The following PDCD11 variants were observed in gnomAD, a reference collection of about 807,000 sequenced individuals.
PDCD11 encodes protein RRP5 homolog.
Under a neutral mutation model 198.9 loss-of-function variants are expected in PDCD11, and 97 were observed. The ratio of observed to expected loss-of-function variants is 0.49; its 90% CI spans 0.41 to 0.58. PDCD11 has a LOEUF of 0.58. Ranked by LOEUF, PDCD11 falls within the 20% of genes least tolerant of loss-of-function variation. PDCD11 has a pLI of 0.00. For missense variants in PDCD11, 2,102 were observed against 2,312.7 expected (o/e 0.91, Z 1.87); for synonymous variants, 893 against 918.0 (o/e 0.97, Z 0.49).
At position 103,396,721 on chromosome 10, in the gene PDCD11, C is replaced by T. The variant is rs1001297268; in HGVS notation, c.-21C>T. On this transcript the variant is annotated 5_prime_UTR_variant, in exon 1 of 36. Coordinates refer to ENST00000369797, the MANE Select transcript of PDCD11 (RefSeq NM_014976.2). The stretch of plus-strand genomic sequence containing the variant: ...GTTAGTGGTAGCTGGGTGCAGACGC[C>T]GTGGCGCTGGTGAGTAAAGGCAGAG... 1.3e-5 allele frequency: 2 copies of T among 152,524 alleles called. No individual in the cohort carries two copies. The highest frequency in any genetic ancestry group is 3.8e-4 in the East Asian group (2 of 5,200). 9.4% of individuals were successfully genotyped at this position (152,524 alleles called of 1,614,324 possible). A position where few individuals can be genotyped will look rare whatever the true frequency, so the allele number is the denominator to read the frequency against.
chr10:103,418,063 G>T, intron 14 of PDCD11, 131 bp downstream of exon 14: 1 of 935,662 alleles, frequency 1.1e-6, no homozygotes, highest in East Asian at 2.4e-5. Flanking sequence ...GGGGCTAGAG[G>T]GGTTCATACG....
At position 103,440,365 on chromosome 10, in the gene PDCD11, T is replaced by G; in HGVS notation, c.4224T>G (p.Ala1408=). The G allele has an allele frequency of 1.2e-6, 2 of 1,614,178 alleles. 1 individual carries two copies. The highest frequency in any genetic ancestry group is 4.5e-5 in the East Asian group (2 of 44,878). ...CTGGGAAGCCAGACGTGCTTTCTGC[T>G]TCCTTGGAAGGGCAACTTACAAAGC... ...GDTGKPDVLS[A]SLEGQLTKQE... Residue 1408 remains alanine, a synonymous_variant, in exon 29 of 36, where the codon GCT becomes GCG. Transcript: ENST00000369797.
chr10:103,434,172 G>A, intron 23 of PDCD11, 76 bp from the exon 24 acceptor site: 1 of 1,222,904 alleles, frequency 8.2e-7, no homozygotes, highest in South Asian at 1.2e-5. Context: ...TACTTGCTTT[G>A]GAGACTTAAA....
intron 31 of PDCD11, 81 bp downstream of exon 31, chr10:103,442,056 T>C: frequency 6.3e-7 from 1 of 1,575,540 alleles, no homozygotes; most frequent in Non-Finnish European, 8.7e-7. Flanking sequence ...AGACTGGGTG[T>C]CTTCCTGGGT....
At chr10:103,441,714 G>C in intron 30 of PDCD11, 112 bp from the exon 31 acceptor site, 1 of 941,232 alleles carries the variant, frequency 1.1e-6, no homozygotes, top group Non-Finnish European at 1.7e-6. Flanking sequence ...GGAGAGGAGA[G>C]GAGGGGTCTC....
intron 25 of PDCD11, among the ~76,000 whole-genome samples, chr10:103,437,056 C>T (rs758846959): frequency 1.1e-4 from 17 of 152,208 alleles, no homozygotes; most frequent in Non-Finnish European, 2.4e-4. Context: ...TGAGATCAAA[C>T]GTTCTCAGGA....
At position 103,414,961 on chromosome 10, in the gene PDCD11, G is replaced by A. The variant is rs1318792739; in HGVS notation, c.1372-44G>A. 4.4e-6 allele frequency: 7 copies of A among 1,608,030 alleles called. No individual in the cohort carries two copies. In the East Asian group the frequency reaches 8.9e-5, roughly 21 times the overall value. ...CCTTGTTGTAAGAGGTGGGGGAAAGGCCATTCTTGAGACATTGTGGCAGCT... is the reference window on the plus strand; with the variant it reads ...CCTTGTTGTAAGAGGTGGGGGAAAGACCATTCTTGAGACATTGTGGCAGCT... On this transcript the variant is annotated intron_variant, in intron 11 of 35. Coordinates refer to ENST00000369797, the MANE Select transcript of PDCD11 (RefSeq NM_014976.2).
At chr10:103,433,340 C>T (rs2032013437) in intron 22 of PDCD11, among the ~76,000 whole-genome samples, 1 of 151,994 alleles carries the variant, frequency 6.6e-6, no homozygotes, top group African/African-American at 2.4e-5. Flanking sequence ...ACTAAAAATA[C>T]AAAAATTTAG....
intron 8 of PDCD11, among the ~76,000 whole-genome samples, chr10:103,411,929 C>T (rs1295891384): frequency 2.0e-5 from 3 of 152,150 alleles, no homozygotes; most frequent in Non-Finnish European, 4.4e-5. Context: ...ACATCAGCTC[C>T]TTGGTGTTGA....
Position 103,442,852 on chromosome 10 carries a change from C to T in PDCD11, c.4956-313C>T, listed in dbSNP as rs188025922. Among the ~76,000 whole-genome samples the T allele has an allele frequency of 7.3e-3, 1,119 of 152,306 alleles. 16 individuals carry two copies. Among genetic ancestry groups the T allele is most frequent in the South Asian group, 0.065 (313 of 4,824 alleles). On this transcript the variant is annotated intron_variant, in intron 32 of 35. Transcript: ENST00000369797. The stretch of plus-strand genomic sequence containing the variant: ...GCAGTCCTTTGCTTCATCCTCTTAG[C>T]TTGAAGAGAGAATCAGACCCAGGAC...
chr10:103,411,055 A>G (rs2030773081), intron 8 of PDCD11, among the ~76,000 whole-genome samples: 1 of 151,282 alleles, frequency 6.6e-6, no homozygotes, highest in Non-Finnish European at 1.5e-5. Flanking sequence ...AGCCTGAGCG[A>G]CAGAGTGAGA....
rs2032257427 is a variant in PDCD11, at chr10:103,438,782, C to T, written c.3999C>T (p.Ser1333=). ...EGQLLRGYVG[S]IQPHGVFFRL... is the part of the protein sequence containing the mutation. ...AGCTTCTGAGGGGCTATGTAGGGTC[C>T]ATCCAGCCACACGGTGTGTTCTTTC... The change falls in exon 27 of 36, where the codon TCC becomes TCT. Residue 1333 remains serine (S), a synonymous_variant. Transcript: ENST00000369797. The T allele has an allele frequency of 6.2e-7, 1 of 1,613,976 alleles. No homozygotes were observed. Among genetic ancestry groups the T allele is most frequent in the African/African-American group, 1.3e-5 (1 of 74,898 alleles).
Position 103,406,038 on chromosome 10 carries a change from T to A in PDCD11, c.618T>A (p.Ile206=), listed in dbSNP as rs542076880. 22 of 1,614,120 alleles carry A rather than the reference T, an allele frequency of 1.4e-5. No homozygotes were observed. The highest frequency in any genetic ancestry group is 1.8e-5 in the Non-Finnish European group (21 of 1,179,994). ...AAGACCATGGCTACCTAGTGGACAT[T>A]GGTGTTGATGGGACCAGAGCTTTTC... ...SLEDHGYLVD[I]GVDGTRAFLP... is the part of the protein sequence containing the mutation. Residue 206 remains isoleucine, a synonymous_variant, in exon 6 of 36, where the codon ATT becomes ATA. Coordinates refer to ENST00000369797, the MANE Select transcript of PDCD11 (RefSeq NM_014976.2).
In PDCD11 at chr10:103,432,212, C is replaced by A; in HGVS notation, c.3452C>A (p.Thr1151Asn). Residue 1151 changes from threonine (T) to asparagine (N), a missense_variant, in exon 22 of 36, where the codon ACT becomes AAT. Thr to Asn is a moderately conservative substitution (Grantham distance 65, BLOSUM62 0). Transcript: ENST00000369797. ...ATTAAACAGTACCAGGCCGGCCAGA[C>A]TGTTACTTGCTTCTTAAAGAAAGTA... ...EKIKQYQAGQ[T>N]VTCFLKKYNV... The A allele has an allele frequency of 6.2e-7, 1 of 1,612,588 alleles. No homozygotes were observed. Among genetic ancestry groups the A allele is most frequent in the South Asian group, 1.1e-5 (1 of 91,042 alleles).
Position 103,445,644 on chromosome 10 carries a change from T to A in PDCD11, c.*95T>A. ...TCGGAAAACTGTTACCTCAGGACTC[T>A]ATTTAAATGCTGCTTTTTCTGCAGC... On this transcript the variant is annotated 3_prime_UTR_variant, in exon 36 of 36. Coordinates refer to ENST00000369797, the MANE Select transcript of PDCD11 (RefSeq NM_014976.2). The A allele has an allele frequency of 1.0e-6, 1 of 987,390 alleles. No homozygotes were observed. The highest frequency in any genetic ancestry group is 1.5e-6 in the Non-Finnish European group (1 of 667,016). 61.2% of individuals were successfully genotyped at this position (987,390 alleles called of 1,614,324 possible). A position where few individuals can be genotyped will look rare whatever the true frequency, so the allele number is the denominator to read the frequency against.
chr10:103,413,087 C>G, intron 8 of PDCD11, 29 bp from the exon 9 acceptor site: 1 of 1,596,250 alleles, frequency 6.3e-7, no homozygotes, highest in Non-Finnish European at 8.6e-7. Flanking sequence ...GTGCCTCCTC[C>G]TGCTCACCCT....
chr10:103,438,674 T>G lies in PDCD11; in HGVS notation c.3903-12T>G, dbSNP rs762735125. 16 of 1,614,038 alleles carry G rather than the reference T, an allele frequency of 9.9e-6. No homozygotes were observed. The Admixed American group carries it at 1.7e-4, about 17-fold the overall frequency. ...GGTTAAAGGTGTGCATGTAAGCCTT[T>G]TATTCCTTTAGAACAAACCCGGAGA... On this transcript the variant is annotated splice_polypyrimidine_tract_variant and intron_variant, in intron 26 of 35. Transcript: ENST00000369797.
intron 21 of PDCD11, among the ~76,000 whole-genome samples, chr10:103,430,131 C>G (rs1329324064): frequency 1.3e-5 from 2 of 152,144 alleles, no homozygotes; most frequent in Non-Finnish European, 2.9e-5. Flanking sequence ...GCTGGGGCTA[C>G]AGGCACGCAC....
At chr10:103,423,416 G>A (rs1189962923) in intron 18 of PDCD11, 127 bp from the exon 19 acceptor site, 8 of 735,604 alleles carry the variant, frequency 1.1e-5, no homozygotes, top group South Asian at 3.5e-5. Flanking sequence ...ATTATGGCCC[G>A]TATGGACCCA....
Sources: allele counts gnomAD v4.1 joint callset (sites outside exome capture counted in the v4.1 genomes callset), GRCh38; gene constraint gnomAD v4.1.1; transcripts MANE v1.5; gene names NCBI Gene and HGNC (gene_info 2026-07-23, HGNC 2026-07-21).